Variants in SLC26A8 observed in about 807,000 individuals in gnomAD.
SLC26A8 encodes testis anion transporter 1.
A neutral mutation model predicts 105.0 loss-of-function variants in SLC26A8; 70 were observed. The observed-to-expected ratio is 0.67, with a 90% CI of 0.55 to 0.81. The LOEUF is 0.81. Ranked by LOEUF, SLC26A8 falls within the 40% of genes least tolerant of loss-of-function variation. The probability of loss-of-function intolerance (pLI) is 0.00; values close to 1 mark genes in which losing one functional copy is unlikely to be tolerated. For missense variants in SLC26A8, 998 were observed against 1,181.8 expected, an observed-to-expected ratio of 0.84 and a Z score of 2.28; for synonymous variants, 415 against 438.3, an observed-to-expected ratio of 0.95 and a Z score of 0.66.
At chr6:36,023,754 C>A (rs548387141) in intron 1 of SLC26A8, among the ~76,000 whole-genome samples, 2 of 151,918 alleles carry the variant, frequency 1.3e-5, no homozygotes, top group Non-Finnish European at 2.9e-5. Flanking sequence ...TTTGTAATTC[C>A]ATCAGAAACA....
rs1000766410 is a variant in SLC26A8, at chr6:35,981,022, A to C, written c.1025+1099T>G. ...CAAGACTTGTCTCAAAAAGAAAAAA[A>C]AAAGCCTACATTTTGTGATCCTGGA... is the stretch of plus-strand genomic sequence containing the variant. On this transcript the variant is annotated intron_variant, in intron 8 of 19. Transcript: ENST00000490799. The surrounding 1 kb of genome is among the most constrained non-coding windows in gnomAD (Gnocchi z 4.0). Among the ~76,000 whole-genome samples the C allele has an allele frequency of 6.6e-6, 1 of 152,040 alleles. No individual in the cohort carries two copies. The highest frequency in any genetic ancestry group is 2.4e-5 in the African/African-American group (1 of 41,398).
At chr6:36,010,687 T>C (rs532658100) in intron 3 of SLC26A8, among the ~76,000 whole-genome samples, 6 of 151,874 alleles carry the variant, frequency 4.0e-5, no homozygotes, top group African/African-American at 1.4e-4. Context: ...TACAGGTGTG[T>C]GCCACCATGC....
In SLC26A8 at chr6:35,984,330, T is replaced by TC. The variant is rs1425364435; in HGVS notation, c.943-2128_943-2127insG. Among the ~76,000 whole-genome samples the TC allele has an allele frequency of 1.4e-3, 203 of 147,724 alleles. 1 individual carries two copies. The highest frequency in any genetic ancestry group is 4.7e-3 in the African/African-American group (188 of 40,036). ...TTCTTCTTCTTCTTATTTTTTTTTT[T>TC]TTTTTTTTTGAGACAGAGTCTTTGC... On this transcript the variant is annotated intron_variant, in intron 7 of 19. Transcript: ENST00000490799.
chr6:35,978,962 T>C (rs2127326669), intron 8 of SLC26A8, among the ~76,000 whole-genome samples: 1 of 144,086 alleles, frequency 6.9e-6, no homozygotes, highest in African/African-American at 2.5e-5. Context: ...CACCTCAGCC[T>C]CCCAAGTAGC....
At chr6:35,963,156 A>G (rs1470625169) in intron 11 of SLC26A8, among the ~76,000 whole-genome samples, 2 of 152,082 alleles carry the variant, frequency 1.3e-5, no homozygotes, top group Admixed American at 6.6e-5. Context: ...TCACCTCCTT[A>G]CCATTGAGCA....
intron 7 of SLC26A8, 124 bp from the exon 8 acceptor site, chr6:35,982,327 A>G (rs1773305782): frequency 8.4e-6 from 7 of 831,924 alleles, no homozygotes; most frequent in South Asian, 1.5e-5. Context: ...AGCAGTCCCT[A>G]TGCATGCAAG....
Position 35,955,182 on chromosome 6 carries a change from C to T in SLC26A8, c.2202G>A (p.Val734=). Residue 734 remains valine, a synonymous_variant, in exon 17 of 20, where the codon GTG becomes GTA. Transcript: ENST00000490799. The part of the protein sequence containing the change: ...IILDFSMVHY[V]DSRGLVVLRQ... Reference sequence around the variant, plus strand: ...TTAATACGACTAACCCCCGTGAATCCACGTAGTGTACCATGGAGAAATCCA... The same window carrying T: ...TTAATACGACTAACCCCCGTGAATCTACGTAGTGTACCATGGAGAAATCCA... 1 of 1,614,118 alleles carries T rather than the reference C, an allele frequency of 6.2e-7. No individual in the cohort carries two copies. Among genetic ancestry groups the T allele is most frequent in the Non-Finnish European group, 8.5e-7 (1 of 1,180,028 alleles).
Position 36,019,695 on chromosome 6 carries a change from C to G in SLC26A8, c.13G>C (p.Glu5Gln). Residue 5 changes from glutamate (E) to glutamine (Q), a missense_variant, in exon 2 of 20, where the codon GAG (glutamate) becomes CAG (glutamine). Coordinates refer to ENST00000490799, the MANE Select transcript of SLC26A8 (RefSeq NM_052961.4). Reference sequence around the variant, plus strand: ...CTGAAGCCAGAGATGGCGCTCCTCTCTAGTTGTGCCATTCCTGGATGAGTG... The same window carrying G: ...CTGAAGCCAGAGATGGCGCTCCTCTGTAGTTGTGCCATTCCTGGATGAGTG... MAQLERSAISGFSSK... is the reference protein window; with the variant it reads MAQLQRSAISGFSSK... 1 of 1,612,858 alleles carries G rather than the reference C, an allele frequency of 6.2e-7. No homozygotes were observed. Among genetic ancestry groups the G allele is most frequent in the Non-Finnish European group, 8.5e-7 (1 of 1,179,278 alleles).
chr6:35,997,857 C>T lies in SLC26A8; in HGVS notation c.508G>A (p.Gly170Ser), dbSNP rs151303308. The T allele has an allele frequency of 2.5e-6, 4 of 1,614,068 alleles. No individual in the cohort carries two copies. The highest frequency in any genetic ancestry group is 1.3e-5 in the African/African-American group (1 of 75,014). Residue 170 changes from glycine to serine, a missense_variant, in exon 5 of 20, where the codon GGT becomes AGT. Transcript: ENST00000490799. Reference protein sequence around the residue: ...NVLKVSPFNNGQLVMGSFVKN... With the variant: ...NVLKVSPFNNSQLVMGSFVKN... ...ACGAAAGATCCCATGACCAGTTGAC[C>T]GTTGTTGAATGGGCTCACTTTCAGA...
intron 7 of SLC26A8, among the ~76,000 whole-genome samples, chr6:35,987,399 A>C (rs1430419820): frequency 1.3e-5 from 2 of 151,904 alleles, no homozygotes; most frequent in East Asian, 3.9e-4. Context: ...TTTGAGACAG[A>C]GTCTTGCTGT....
intron 9 of SLC26A8, among the ~76,000 whole-genome samples, chr6:35,976,146 C>A (rs1562037881): frequency 6.6e-6 from 1 of 151,916 alleles, no homozygotes; most frequent in Non-Finnish European, 1.5e-5. Context: ...TCAAATTGGG[C>A]TGGGTGCGGT....
chr6:35,967,733 C>T (rs1772573579), intron 11 of SLC26A8, among the ~76,000 whole-genome samples: 1 of 152,158 alleles, frequency 6.6e-6, no homozygotes, highest in Admixed American at 6.5e-5. Flanking sequence ...AGTTTCCAAG[C>T]CCATGTTGGT....
intron 19 of SLC26A8, among the ~76,000 whole-genome samples, chr6:35,945,443 T>TG (rs1771627467): frequency 6.6e-6 from 1 of 152,238 alleles, no homozygotes. Flanking sequence ...TATAAGGCTG[T>TG]GTGTGACCTG....
intron 19 of SLC26A8, among the ~76,000 whole-genome samples, chr6:35,946,464 T>C (rs1771679201): frequency 6.6e-6 from 1 of 152,162 alleles, no homozygotes; most frequent in Non-Finnish European, 1.5e-5. Context: ...CTCGAACTCC[T>C]GGCCTCAAGT....
In SLC26A8 at chr6:35,992,642, A is replaced by G. The variant is rs776250971; in HGVS notation, c.660T>C (p.Ile220=). Residue 220 remains isoleucine, a synonymous_variant, in exon 6 of 20, where the codon ATT becomes ATC. Transcript: ENST00000490799. The stretch of plus-strand genomic sequence containing the variant: ...TTGCAGACTCCGGAAGGTAAGTGGC[A>G]ATGAAGCCCAAACCCAATACGCCCA... ...LIMGVLGLGF[I]ATYLPESAMS... The G allele has an allele frequency of 6.2e-7, 1 of 1,613,454 alleles. No homozygotes were observed. The highest frequency in any genetic ancestry group is 8.5e-7 in the Non-Finnish European group (1 of 1,179,754).
chr6:35,964,849 C>T (rs2127303446), intron 11 of SLC26A8, among the ~76,000 whole-genome samples: 1 of 151,730 alleles, frequency 6.6e-6, no homozygotes, highest in East Asian at 1.9e-4. Context: ...CACCTGTAAT[C>T]CCAGCTACTC....
At chr6:36,004,773 C>T (rs1364628549) in intron 3 of SLC26A8, among the ~76,000 whole-genome samples, 2 of 151,880 alleles carry the variant, frequency 1.3e-5, no homozygotes, top group Non-Finnish European at 2.9e-5. Context: ...CCTCAGCCTC[C>T]CAAAGTAGCT....
At chr6:35,950,931 G>A (rs1280616582) in intron 19 of SLC26A8, among the ~76,000 whole-genome samples, 1 of 152,156 alleles carries the variant, frequency 6.6e-6, no homozygotes, top group African/African-American at 2.4e-5. Context: ...ATGGAACCCT[G>A]ATGCCATGAC....
chr6:35,947,695 T>G (rs1581619580), intron 19 of SLC26A8, among the ~76,000 whole-genome samples: 1 of 151,660 alleles, frequency 6.6e-6, no homozygotes, highest in Admixed American at 6.6e-5. Flanking sequence ...CTTTGGGAGG[T>G]GGAGGTGGGT....
Sources: allele counts gnomAD v4.1 joint callset (sites outside exome capture counted in the v4.1 genomes callset), GRCh38; gene constraint gnomAD v4.1.1; non-coding constraint Gnocchi (gnomAD v3.1); transcripts MANE v1.5; gene names NCBI Gene and HGNC (gene_info 2026-07-23, HGNC 2026-07-21).